SLC17A8: variants seen among roughly 807,000 people sequenced by gnomAD.
SLC17A8 encodes the protein solute carrier family 17 member 8, also known as vesicular glutamate transporter 3.
Under a neutral mutation model 58.0 loss-of-function variants are expected in SLC17A8, and 31 were observed. That is an observed-to-expected ratio of 0.53 (90% CI 0.40 to 0.72). The LOEUF (loss-of-function observed/expected upper bound fraction) is 0.72. Among genes scored for constraint, SLC17A8 ranks in the 30% least tolerant of loss-of-function variants. The pLI, the probability that SLC17A8 is intolerant of heterozygous loss-of-function variation, is 0.00. For synonymous variants in SLC17A8, 228 were observed against 249.0 expected, an observed-to-expected ratio of 0.92 and a Z score of 0.79; for missense variants, 655 against 727.8, an observed-to-expected ratio of 0.90 and a Z score of 1.15.
At chr12:100,402,059 T>A (rs1344534836) in intron 6 of SLC17A8, among the ~76,000 whole-genome samples, 196 bp downstream of exon 6, 2 of 152,222 alleles carry the variant, frequency 1.3e-5, no homozygotes, top group Non-Finnish European at 2.9e-5. Flanking sequence ...GAACATTGTC[T>A]TTCTTTAAAT....
intron 6 of SLC17A8, 131 bp downstream of exon 6, chr12:100,401,994 C>T (rs542069323): frequency 7.7e-6 from 6 of 775,430 alleles, no homozygotes; most frequent in Non-Finnish European, 1.4e-5. Flanking sequence ...AAATGGAATA[C>T]TTTATCTATG....
At chr12:100,377,709 C>G (rs866948422) in intron 1 of SLC17A8, among the ~76,000 whole-genome samples, 3 of 149,986 alleles carry the variant, frequency 2.0e-5, no homozygotes, top group African/African-American at 7.4e-5. Context: ...CTGCCTCAGT[C>G]TCCCGAGTAG....
chr12:100,413,022 C>A, intron 10 of SLC17A8, 142 bp downstream of exon 10: 1 of 731,746 alleles, frequency 1.4e-6, no homozygotes, highest in East Asian at 2.7e-5. Context: ...AGAATGTGAT[C>A]TAGTGGGGGT....
chr12:100,404,318 G>A (rs1336143990), intron 9 of SLC17A8, 148 bp downstream of exon 9: 6 of 969,122 alleles, frequency 6.2e-6, no homozygotes, highest in Non-Finnish European at 9.5e-6. Context: ...CTTGAGTGTT[G>A]TCCATCACAG....
At chr12:100,413,546 A>G (rs919554223) in intron 10 of SLC17A8, among the ~76,000 whole-genome samples, 3 of 152,134 alleles carry the variant, frequency 2.0e-5, no homozygotes, top group South Asian at 2.1e-4. Flanking sequence ...TACGATCCCC[A>G]TTTTACAGGA....
chr12:100,373,947 A>G (rs1230096418), intron 1 of SLC17A8, among the ~76,000 whole-genome samples: 1 of 152,196 alleles, frequency 6.6e-6, no homozygotes, highest in Non-Finnish European at 1.5e-5. Context: ...CTCTAACTCC[A>G]TGTGAGAAGT....
intron 9 of SLC17A8, among the ~76,000 whole-genome samples, chr12:100,406,684 G>A (rs1214468159): frequency 6.6e-6 from 1 of 151,712 alleles, no homozygotes; most frequent in African/African-American, 2.4e-5. Flanking sequence ...TACAGGCATG[G>A]GCCACCATGC....
Position 100,402,472 on chromosome 12 carries a change from G to C in SLC17A8, c.896G>C (p.Ser299Thr). Residue 299 changes from serine to threonine, a missense_variant, in exon 7 of 12, where the codon AGT becomes ACT. Coordinates refer to ENST00000323346, the MANE Select transcript of SLC17A8 (RefSeq NM_139319.3). ...ATAGGAGAGGGGGCCAACGTGGTTA[G>C]TCTAAGTGTAAGTATAAAAAGTCAG... ...TSIGEGANVV[S>T]LSKFSTPWKR... 1 of 1,614,074 alleles carries C rather than the reference G, an allele frequency of 6.2e-7. No homozygotes were observed. The highest frequency in any genetic ancestry group is 8.5e-7 in the Non-Finnish European group (1 of 1,180,010).
rs139463491 is a variant in SLC17A8, at chr12:100,394,138, G to T, written c.588+655G>T. Among the ~76,000 whole-genome samples, 574 of 151,996 alleles carry T rather than the reference G, an allele frequency of 3.8e-3. 1 individual carries two copies. Among genetic ancestry groups the T allele is most frequent in the Non-Finnish European group, 6.4e-3 (436 of 67,990 alleles). On this transcript the variant is annotated intron_variant, in intron 4 of 11. Coordinates refer to ENST00000323346, the MANE Select transcript of SLC17A8 (RefSeq NM_139319.3). ...TTTTAAAATGTAAAAAACATTCTTA[G>T]CTTGTGGGCTATACAAAAACAGATG... is the stretch of plus-strand genomic sequence containing the variant.
chr12:100,382,381 A>G (rs1030993903), intron 2 of SLC17A8, among the ~76,000 whole-genome samples: 5 of 152,244 alleles, frequency 3.3e-5, no homozygotes, highest in Non-Finnish European at 5.9e-5. Context: ...CACTGGAAAC[A>G]TAAAATCTGG....
At chr12:100,382,475 C>T (rs1398321685) in intron 2 of SLC17A8, among the ~76,000 whole-genome samples, 1 of 152,138 alleles carries the variant, frequency 6.6e-6, no homozygotes, top group Admixed American at 6.5e-5. Context: ...CAGTGGACAC[C>T]CCATAAATGC....
At chr12:100,386,775 G>A (rs567040445) in intron 2 of SLC17A8, among the ~76,000 whole-genome samples, 2 of 148,512 alleles carry the variant, frequency 1.3e-5, no homozygotes, top group East Asian at 2.0e-4. Context: ...TGCAACTTCC[G>A]CCTCCCAGGT....
At chr12:100,377,585 ATTTTTTTTTT>A (rs35397911) in intron 1 of SLC17A8, among the ~76,000 whole-genome samples, 3 of 84,034 alleles carry the variant, frequency 3.6e-5, no homozygotes, top group Admixed American at 1.5e-4. Flanking sequence ...ATATATATAT[ATTTTTTTTTT>A]TTTTTTTTTT....
rs575992309 is a variant in SLC17A8, at chr12:100,357,081, G to A, written c.-311G>A. 231 of 370,288 alleles carry A rather than the reference G, an allele frequency of 6.2e-4. No individual in the cohort carries two copies. Among genetic ancestry groups the A allele is most frequent in the Non-Finnish European group, 9.9e-4 (189 of 191,768 alleles). 22.9% of individuals were successfully genotyped at this position (370,288 alleles called of 1,614,324 possible). On this transcript the variant is annotated 5_prime_UTR_variant, in exon 1 of 12. Transcript: ENST00000323346. ...GGGAGAGAGGCTGCGCTCAGTCTGA[G>A]AGTGGCTGCCTGAGACAGCTGCCAC...
intron 3 of SLC17A8, among the ~76,000 whole-genome samples, chr12:100,392,199 T>G (rs1346343084): frequency 6.8e-6 from 1 of 146,546 alleles, no homozygotes; most frequent in African/African-American, 2.5e-5. Flanking sequence ...TAAAAAGTGG[T>G]TTTTTTTTTC....
At chr12:100,397,666 G>A (rs114683226) in intron 5 of SLC17A8, among the ~76,000 whole-genome samples, 214 of 152,308 alleles carry the variant, frequency 1.4e-3, no homozygotes, top group African/African-American at 4.9e-3. Context: ...AGACCAGCCA[G>A]GCATGGTGGC....
intron 1 of SLC17A8, among the ~76,000 whole-genome samples, chr12:100,376,030 G>C (rs1952592550): frequency 6.6e-6 from 1 of 152,122 alleles, no homozygotes; most frequent in Non-Finnish European, 1.5e-5. Context: ...GAATATGACT[G>C]ATGTCCTTAT....
Position 100,380,700 on chromosome 12 carries a change from GA to G in SLC17A8, c.106del (p.Ile36SerfsTer13). On this transcript the variant is annotated frameshift_variant and splice_region_variant, in exon 2 of 12. Transcript: ENST00000323346. LOFTEE classifies it high-confidence loss of function. ...AVGDSLGILQRKIDGTTEEED... is the reference protein window; with the variant it reads ...AVGDSLGILQXKIDGTTEEED... ...TTCTGCCTATCCTTTTTCCCATGTAGAAAAATCGATGGGACAACTGAGGAAG... is the reference window on the plus strand; with the variant it reads ...TTCTGCCTATCCTTTTTCCCATGTAGAAAATCGATGGGACAACTGAGGAAG... The G allele has an allele frequency of 1.2e-6, 2 of 1,613,314 alleles. No individual in the cohort carries two copies. The highest frequency in any genetic ancestry group is 1.7e-6 in the Non-Finnish European group (2 of 1,179,906).
intron 1 of SLC17A8, among the ~76,000 whole-genome samples, chr12:100,379,750 A>C (rs2135984309): frequency 8.0e-6 from 1 of 124,918 alleles, no homozygotes; most frequent in East Asian, 2.7e-4. Flanking sequence ...AATGTGCCAT[A>C]ATTGGAATCT....
Sources: gnomAD v4.1 joint callset for allele counts (sites outside exome capture counted in the v4.1 genomes callset) on GRCh38, gnomAD v4.1.1 for gene constraint, MANE v1.5 for transcripts, NCBI Gene and HGNC (gene_info 2026-07-23, HGNC 2026-07-21) for gene names.